ZNF273: variants seen among roughly 807,000 people sequenced by gnomAD.
ZNF273 encodes zinc finger protein 9.
Under a neutral mutation model 14.9 loss-of-function variants are expected in ZNF273, and 11 were observed. The observed-to-expected ratio is 0.74, with a 90% CI of 0.46 to 1.22. The LOEUF (loss-of-function observed/expected upper bound fraction) is 1.22. Among genes scored for constraint, ZNF273 ranks in the 50% most tolerant of loss-of-function variants. The probability of loss-of-function intolerance (pLI) is 0.00; values close to 1 mark genes in which losing one functional copy is unlikely to be tolerated. For synonymous variants in ZNF273, 199 were observed against 223.9 expected, an observed-to-expected ratio of 0.89 and a Z score of 0.99; for missense variants, 577 against 660.6, an observed-to-expected ratio of 0.87 and a Z score of 1.39.
intron 1 of ZNF273, among the ~76,000 whole-genome samples, chr7:64,912,283 G>A (rs537589867): frequency 6.6e-6 from 1 of 152,302 alleles, no homozygotes; most frequent in East Asian, 1.9e-4. Context: ...TAGTTGGAGA[G>A]TTCTGTAGAT....
intron 1 of ZNF273, among the ~76,000 whole-genome samples, chr7:64,915,746 G>T (rs191221239): frequency 1.3e-5 from 2 of 152,188 alleles, no homozygotes; most frequent in Non-Finnish European, 2.9e-5. Flanking sequence ...ATTTTGGGGG[G>T]CCTGTTTCCA....
intron 1 of ZNF273, among the ~76,000 whole-genome samples, chr7:64,887,424 G>A (rs757771293): frequency 2.6e-5 from 4 of 152,196 alleles, no homozygotes; most frequent in Non-Finnish European, 4.4e-5. Flanking sequence ...CTGTCTTCTG[G>A]TAGTTTGGAG....
chr7:64,929,080 C>G lies in ZNF273; in HGVS notation c.*42C>G. 2.7e-6 allele frequency: 3 copies of G among 1,101,236 alleles called. No homozygotes were observed. In the East Asian group the frequency reaches 1.4e-4, roughly 52 times the overall value. The allele number at this position is 1,101,236 out of a possible 1,614,324, so 68.2% of individuals were successfully genotyped here. ...ACAAAGCCTTTAAGCGGTTGTCACACTTGATTGTATATAAGATAATTCATA... is the reference window on the plus strand; with the variant it reads ...ACAAAGCCTTTAAGCGGTTGTCACAGTTGATTGTATATAAGATAATTCATA... On this transcript the variant is annotated 3_prime_UTR_variant, in exon 4 of 4. Transcript: ENST00000476120.
downstream of ZNF273, chr7:64,889,702 G>T (rs1208412186): frequency 7.1e-6 from 7 of 985,992 alleles, no homozygotes; most frequent in South Asian, 2.8e-4. The surrounding 1 kb of genome is among the most constrained non-coding windows in gnomAD (Gnocchi z 4.2). Context: ...AAACGCTCGG[G>T]ATGCGGTTTG....
intron 1 of ZNF273, among the ~76,000 whole-genome samples, chr7:64,916,403 G>A (rs1460793120): frequency 6.7e-6 from 1 of 149,560 alleles, no homozygotes; most frequent in African/African-American, 2.4e-5. Context: ...GCTGGGCATG[G>A]CAGCGGCGGC....
chr7:64,916,013 T>G (rs1793951693), intron 1 of ZNF273, among the ~76,000 whole-genome samples: 2 of 151,974 alleles, frequency 1.3e-5, no homozygotes, highest in African/African-American at 2.4e-5. Flanking sequence ...CTGGCCAACA[T>G]GGTGAAACCT....
rs116717701 is a variant in ZNF273 at position 64,909,105 on chromosome 7, G to A, written c.102+5686G>A. ...TTCTTTTTGTATTTTTTGTACGTAC[G>A]GGGTTTTGCCATGTTGTCCCAGGCT... On this transcript the variant is annotated intron_variant, in intron 1 of 3. Transcript: ENST00000476120. Among the ~76,000 whole-genome samples, 1,397 of 152,052 alleles carry A rather than the reference G, an allele frequency of 9.2e-3. 17 individuals carry two copies. The highest frequency in any genetic ancestry group is 0.032 in the African/African-American group (1,327 of 41,484).
chr7:64,915,415 T>G (rs764621522), intron 1 of ZNF273, among the ~76,000 whole-genome samples: 1 of 152,236 alleles, frequency 6.6e-6, no homozygotes, highest in Non-Finnish European at 1.5e-5. Flanking sequence ...ACGTATTTAT[T>G]GACAGCAAGC....
chr7:64,904,562 GCCTAAC>G (rs2129057135), intron 1 of ZNF273, among the ~76,000 whole-genome samples: 1 of 152,214 alleles, frequency 6.6e-6, no homozygotes, highest in African/African-American at 2.4e-5. Flanking sequence ...AATTCCTTCA[GCCTAAC>G]TCTGGCTTGC....
downstream of ZNF273, among the ~76,000 whole-genome samples, chr7:64,891,706 C>G (rs537215789): frequency 6.6e-6 from 1 of 152,324 alleles, no homozygotes; most frequent in East Asian, 1.9e-4. Flanking sequence ...CAGCCAGGCA[C>G]TTTTCCTACT....
downstream of ZNF273, chr7:64,893,919 T>C (rs959911229): frequency 4.6e-5 from 7 of 152,252 alleles, no homozygotes; most frequent in Non-Finnish European, 7.3e-5. Flanking sequence ...TAAGTGCAAA[T>C]AAAAAGTCAT....
At chr7:64,915,630 CGGTAAACCCACAACCTTCCAGCGT>C (rs1233090029) in intron 1 of ZNF273, among the ~76,000 whole-genome samples, 13 of 152,190 alleles carry the variant, frequency 8.5e-5, no homozygotes, top group African/African-American at 3.1e-4. Context: ...GTGTTCATTC[CGGTAAACCCACAACCTTCCAGCGT>C]GGGCGTCATG....
At position 64,918,107 on chromosome 7, in the gene ZNF273, A is replaced by T. The variant is rs796887446; in HGVS notation, c.230-90A>T. ...TATTTTGGGATTAATTTACTAGAAT[A>T]CTTAATTACATCCTCTTTACTGAGC... On this transcript the variant is annotated intron_variant, in intron 2 of 3. Transcript: ENST00000476120. The T allele has an allele frequency of 8.4e-6, 10 of 1,196,434 alleles. No homozygotes were observed. The African/African-American group carries it at 1.6e-4, about 19-fold the overall frequency. The allele number at this position is 1,196,434 out of a possible 1,614,324, so 74.1% of individuals were successfully genotyped here.
rs56847491 is a variant in ZNF273 at position 64,929,127 on chromosome 7, G to GT, written c.*89_*90insT. ...CATACTGGAGAAAACTCCCAGAAGT[G>GT]GAGTTTTCCTTATTGCACAGGAAAG... On this transcript the variant is annotated 3_prime_UTR_variant, in exon 4 of 4. Transcript: ENST00000476120. 1,228,894 of 1,241,322 alleles carry GT rather than the reference G, an allele frequency of 0.99. 609,337 individuals are homozygous for GT. The highest frequency in any genetic ancestry group is 1 in the East Asian group (40,016 of 40,018). The allele number at this position is 1,241,322 out of a possible 1,614,324, so 76.9% of individuals were successfully genotyped here.
intron 3 of ZNF273, among the ~76,000 whole-genome samples, chr7:64,921,529 A>T (rs1794445438): frequency 6.6e-6 from 1 of 150,772 alleles, no homozygotes; most frequent in African/African-American, 2.4e-5. Context: ...AGATAGATAC[A>T]TATAATAGTT....
At chr7:64,901,373 G>A (rs1452497980), upstream of ZNF273, among the ~76,000 whole-genome samples, 7 of 152,244 alleles carry the variant, frequency 4.6e-5, no homozygotes, top group East Asian at 1.9e-4. Context: ...TTTCTGTAAC[G>A]GATACTGTAA....
chr7:64,889,681 C>A (rs1791850195), downstream of ZNF273: 2 of 985,936 alleles, frequency 2.0e-6, no homozygotes, highest in South Asian at 9.4e-5. This position sits in a 1 kb window ranked among gnomAD's most constrained non-coding sequence, Gnocchi z 4.2. Context: ...CCTGGGGCCC[C>A]TCCGCCCCGC....
rs371691548 is a variant in ZNF273 at position 64,903,347 on chromosome 7, T to G, written c.30T>G (p.Ser10=). 6.2e-7 allele frequency: 1 copy of G among 1,613,380 alleles called. No individual in the cohort carries two copies. The highest frequency in any genetic ancestry group is 8.5e-7 in the Non-Finnish European group (1 of 1,179,460). The stretch of plus-strand genomic sequence containing the variant: ...CCTCTGCTCCTAGAGGTCCACCTTC[T>G]GTGGCCCCGTTACCTGCAGGTATTG... MSSAPRGPP[S]VAPLPAGIGR... Residue 10 remains serine, a synonymous_variant, in exon 1 of 4, where the codon TCT becomes TCG. Transcript: ENST00000476120.
upstream of ZNF273, among the ~76,000 whole-genome samples, chr7:64,901,625 G>A (rs1424955065): frequency 6.6e-6 from 1 of 152,170 alleles, no homozygotes; most frequent in Non-Finnish European, 1.5e-5. Flanking sequence ...TTCCGTAAGT[G>A]AGACCCTCTT....
Sources: allele counts gnomAD v4.1 joint callset (sites outside exome capture counted in the v4.1 genomes callset), GRCh38; gene constraint gnomAD v4.1.1; non-coding constraint Gnocchi (gnomAD v3.1); transcripts MANE v1.5; gene names NCBI Gene and HGNC (gene_info 2026-07-23, HGNC 2026-07-21).